Variants in ABI3BP observed in about 807,000 individuals in gnomAD.
The protein encoded by ABI3BP is ABI family member 3 binding protein, also known as target of Nesh-SH3.
Under a neutral mutation model 268.6 loss-of-function variants are expected in ABI3BP, and 216 were observed. The observed-to-expected ratio is 0.80, with a 90% CI of 0.72 to 0.90. The LOEUF (loss-of-function observed/expected upper bound fraction) is 0.90. ABI3BP is among the 40% of genes least tolerant of loss of function. The pLI is 0.00. For synonymous variants in ABI3BP, 730 were observed against 730.0 expected (o/e 1.00, Z 0.00); for missense variants, 2,090 against 2,182.4 (o/e 0.96, Z 0.84).
At chr3:100,884,178 T>G (rs2040785049) in intron 6 of ABI3BP, among the ~76,000 whole-genome samples, 1 of 152,040 alleles carries the variant, frequency 6.6e-6, no homozygotes, top group Admixed American at 6.6e-5. Flanking sequence ...TTGTTAATGC[T>G]TCTTTTCCCA....
intron 1 of ABI3BP, among the ~76,000 whole-genome samples, chr3:100,931,877 C>T (rs1472613548): frequency 1.3e-5 from 2 of 151,652 alleles, no homozygotes; most frequent in Admixed American, 6.6e-5. Context: ...TATGGAACCA[C>T]AAAACAGCCC....
chr3:100,774,285 T>G (rs1268447764), intron 61 of ABI3BP, among the ~76,000 whole-genome samples: 2 of 152,250 alleles, frequency 1.3e-5, no homozygotes, highest in Admixed American at 1.3e-4. Context: ...CCTTTCTTGA[T>G]TTTGCATTAT....
chr3:100,961,122 C>G (rs184720616), intron 1 of ABI3BP, among the ~76,000 whole-genome samples: 6 of 152,324 alleles, frequency 3.9e-5, no homozygotes, highest in African/African-American at 1.2e-4. Context: ...AATAGTAAGG[C>G]ACAACAAAGG....
chr3:100,884,989 G>GA (rs5851235), intron 6 of ABI3BP, among the ~76,000 whole-genome samples: 108,722 of 151,908 alleles, frequency 0.72, 40,071 homozygotes, highest in Non-Finnish European at 0.8. Context: ...GAGAGCATGA[G>GA]AAACCGAGTG....
At chr3:100,822,768 A>C in intron 37 of ABI3BP, 96 bp from the exon 38 acceptor site, 1 of 1,065,664 alleles carries the variant, frequency 9.4e-7, no homozygotes, top group Non-Finnish European at 1.4e-6. Context: ...TGCTTGATAG[A>C]TATTTGCCTT....
chr3:100,850,636 T>G, intron 16 of ABI3BP, 24 bp downstream of exon 16: 11 of 1,567,732 alleles, frequency 7.0e-6, no homozygotes, highest in Non-Finnish European at 9.6e-6. Context: ...AAATAAAGTA[T>G]GATTTTTCTG....
At chr3:100,782,855 C>A (rs1248630820) in intron 57 of ABI3BP, among the ~76,000 whole-genome samples, 2 of 152,008 alleles carry the variant, frequency 1.3e-5, no homozygotes, top group African/African-American at 4.8e-5. Flanking sequence ...ACAGTCTGGC[C>A]CAAGCTGTGA....
chr3:100,753,993 G>A, intron 64 of ABI3BP, 145 bp from the exon 65 acceptor site: 1 of 872,966 alleles, frequency 1.1e-6, no homozygotes. Flanking sequence ...GAATTTGAAA[G>A]TTTGCTTTGT....
intron 1 of ABI3BP, among the ~76,000 whole-genome samples, chr3:100,963,518 C>G (rs1223826349): frequency 1.3e-5 from 2 of 152,228 alleles, no homozygotes; most frequent in Non-Finnish European, 2.9e-5. Flanking sequence ...AGACTCTACA[C>G]TGGTAACCAG....
intron 9 of ABI3BP, among the ~76,000 whole-genome samples, chr3:100,870,447 T>C (rs992066007): frequency 1.3e-5 from 2 of 151,794 alleles, no homozygotes; most frequent in Non-Finnish European, 2.9e-5. Context: ...AAAAAAGTGC[T>C]CAACGTCACT....
At chr3:100,862,635 A>G in intron 13 of ABI3BP, 2 of 586,094 alleles carry the variant, frequency 3.4e-6, no homozygotes, top group Non-Finnish European at 5.9e-6. Flanking sequence ...AGCTAAGTGG[A>G]TTATGTGGAA....
At chr3:100,754,722 A>G in intron 63 of ABI3BP, 31 bp from the exon 64 acceptor site, 1 of 1,536,858 alleles carries the variant, frequency 6.5e-7, no homozygotes, top group Non-Finnish European at 8.8e-7. Context: ...AAATACTTGT[A>G]ATACATTCTT....
chr3:100,808,901 G>GT (rs2152460555), intron 49 of ABI3BP, among the ~76,000 whole-genome samples: 1 of 152,146 alleles, frequency 6.6e-6, no homozygotes, highest in African/African-American at 2.4e-5. Context: ...CAGATGCAAG[G>GT]TTGCAGCTTA....
At chr3:100,772,367 C>T (rs2096570630) in intron 61 of ABI3BP, among the ~76,000 whole-genome samples, 2 of 152,050 alleles carry the variant, frequency 1.3e-5, no homozygotes, top group Non-Finnish European at 2.9e-5. Context: ...TTATTTATCT[C>T]TAAAAAATAG....
intron 1 of ABI3BP, among the ~76,000 whole-genome samples, chr3:100,952,114 A>G (rs553617335): frequency 6.6e-6 from 1 of 152,262 alleles, no homozygotes; most frequent in South Asian, 2.1e-4. Flanking sequence ...AGGCATTTTT[A>G]TCTCTTGTCT....
chr3:100,911,881 G>A (rs182913861), intron 2 of ABI3BP: 1,985 of 1,583,052 alleles, frequency 1.3e-3, no homozygotes, highest in Middle Eastern at 2.2e-3. Context: ...TCTGAATGAC[G>A]ACAGAATTTG....
chr3:100,847,500 T>C (rs2098784179), intron 19 of ABI3BP, 102 bp downstream of exon 19: 2 of 1,012,350 alleles, frequency 2.0e-6, no homozygotes, highest in East Asian at 2.4e-5. Context: ...ATGAACCGTT[T>C]TGAGTATCTT....
At chr3:100,939,915 GCGCATATTCTCTTTC>G (rs2068125975) in intron 1 of ABI3BP, among the ~76,000 whole-genome samples, 1 of 152,004 alleles carries the variant, frequency 6.6e-6, no homozygotes. Flanking sequence ...ATACCCCCAG[GCGCATATTCTCTTTC>G]CCAGGGATGT....
chr3:100,811,649 T>C (rs2097862720), intron 47 of ABI3BP, 79 bp downstream of exon 47: 2 of 1,401,598 alleles, frequency 1.4e-6, no homozygotes, highest in Admixed American at 4.0e-5. Context: ...CAGCTTGAAC[T>C]TTCATATTCC....
Sources: allele counts gnomAD v4.1 joint callset (sites outside exome capture counted in the v4.1 genomes callset), GRCh38; gene constraint gnomAD v4.1.1; transcripts MANE v1.5; gene names NCBI Gene and HGNC (gene_info 2026-07-23, HGNC 2026-07-21).